CCDC7: variants seen among roughly 807,000 people sequenced by gnomAD.
CCDC7 encodes coiled-coil domain-containing protein 7.
Under a neutral mutation model 196.9 loss-of-function variants are expected in CCDC7, and 183 were observed. The observed-to-expected ratio is 0.93, with a 90% CI of 0.82 to 1.05. CCDC7 has a LOEUF of 1.05. Among genes scored for constraint, CCDC7 ranks in the 50% least tolerant of loss-of-function variants. The probability of loss-of-function intolerance (pLI) is 0.00; values close to 1 mark genes in which losing one functional copy is unlikely to be tolerated. For missense variants in CCDC7, 1,540 were observed against 1,482.2 expected (o/e 1.04, Z -0.64); for synonymous variants, 525 against 484.6 (o/e 1.08, Z -1.10).
chr10:32,728,412 C>T (rs2083434722), intron 26 of CCDC7, among the ~76,000 whole-genome samples: 1 of 152,028 alleles, frequency 6.6e-6, no homozygotes, highest in Admixed American at 6.6e-5. Flanking sequence ...AACTCTCAGC[C>T]CCATCTCCAC....
intron 25 of CCDC7, among the ~76,000 whole-genome samples, chr10:32,723,043 A>C (rs1337010916): frequency 6.6e-6 from 1 of 151,762 alleles, no homozygotes; most frequent in African/African-American, 2.4e-5. Context: ...AGCAGAAGGA[A>C]TAGCGCTTTA....
At position 32,617,892 on chromosome 10, in the gene CCDC7, C is replaced by T. The variant is rs147237106; in HGVS notation, c.1802-16362C>T. Among the ~76,000 whole-genome samples the T allele has an allele frequency of 3.9e-5, 6 of 152,004 alleles. No homozygotes were observed. The East Asian group carries it at 1.2e-3, about 29-fold the overall frequency. ...ATGACTGTGATGTTGACGTCCTCCT[C>T]TATTATTGTATTGCTAGGTGTTTTG... On this transcript the variant is annotated intron_variant, in intron 18 of 41. Transcript: ENST00000639629.
At chr10:32,864,724 A>G (rs1045466574) in intron 41 of CCDC7, among the ~76,000 whole-genome samples, 2 of 151,950 alleles carry the variant, frequency 1.3e-5, no homozygotes, top group Non-Finnish European at 2.9e-5. Flanking sequence ...AATATGTTTA[A>G]CCGTAATGAT....
intron 28 of CCDC7, among the ~76,000 whole-genome samples, chr10:32,755,721 C>G (rs997152261): frequency 1.3e-5 from 2 of 152,060 alleles, no homozygotes; most frequent in African/African-American, 4.8e-5. Flanking sequence ...TGCAGATCCT[C>G]GCAAGCAGCA....
intron 41 of CCDC7, among the ~76,000 whole-genome samples, chr10:32,865,174 G>C (rs2094156631): frequency 6.6e-6 from 1 of 151,744 alleles, no homozygotes; most frequent in Admixed American, 6.6e-5. Flanking sequence ...TGGAGAAAAA[G>C]TGTTTATAAT....
intron 18 of CCDC7, among the ~76,000 whole-genome samples, chr10:32,604,802 A>G (rs2061405633): frequency 6.6e-6 from 1 of 151,966 alleles, no homozygotes; most frequent in Non-Finnish European, 1.5e-5. Flanking sequence ...GAATTCATTG[A>G]GCAGTTTTAC....
intron 8 of CCDC7, among the ~76,000 whole-genome samples, chr10:32,490,120 C>G (rs980603145): frequency 6.6e-6 from 1 of 152,240 alleles, no homozygotes; most frequent in African/African-American, 2.4e-5. Context: ...TTGCTGTCTC[C>G]AGCTGTCTCT....
rs555382759 is a variant in CCDC7, at chr10:32,464,417, T to C, written c.510+1368T>C. On this transcript the variant is annotated intron_variant, in intron 5 of 41. Transcript: ENST00000639629. ...TTCTTTTTTCCTGTTAAGACAGATATATTGTTCTTTCTTATACATATGACT... is the reference window on the plus strand; with the variant it reads ...TTCTTTTTTCCTGTTAAGACAGATACATTGTTCTTTCTTATACATATGACT... 9.8e-5 allele frequency among the ~76,000 whole-genome samples: 15 copies of C among 152,356 alleles called. 1 individual carries two copies. The highest frequency in any genetic ancestry group is 3.4e-3 in the Middle Eastern group (1 of 294).
intron 18 of CCDC7, among the ~76,000 whole-genome samples, chr10:32,619,905 T>C (rs967795639): frequency 6.0e-5 from 8 of 132,816 alleles, no homozygotes; most frequent in African/African-American, 1.9e-4. Context: ...AGCCCTTCAA[T>C]GTACCTTTTT....
At chr10:32,743,702 C>A (rs762905505) in intron 28 of CCDC7, among the ~76,000 whole-genome samples, 5 of 151,906 alleles carry the variant, frequency 3.3e-5, no homozygotes, top group Non-Finnish European at 5.9e-5. Context: ...ATGTTTATTG[C>A]GGCACTATTC....
Position 32,635,166 on chromosome 10 carries a change from G to GT in CCDC7, c.2014+9dup. 1 of 398,400 alleles carries GT rather than the reference G, an allele frequency of 2.5e-6. No individual in the cohort carries two copies. The highest frequency in any genetic ancestry group is 4.4e-6 in the Non-Finnish European group (1 of 225,754). 24.7% of individuals were successfully genotyped at this position (398,400 alleles called of 1,614,324 possible). ...GAAATGAGAGTTTTCATTGTAAGTA[G>GT]TAAGTTTAAAATGTTATAAAATTAT... is the stretch of plus-strand genomic sequence containing the variant. On this transcript the variant is annotated intron_variant, in intron 20 of 41. Transcript: ENST00000639629.
chr10:32,697,960 T>C (rs113206529), intron 24 of CCDC7, among the ~76,000 whole-genome samples: 8,073 of 152,196 alleles, frequency 0.053, 715 homozygotes, highest in African/African-American at 0.18. Context: ...GGCAGCCCCT[T>C]TGAGACAAAG....
At chr10:32,506,214 C>A (rs1026247133) in intron 9 of CCDC7, among the ~76,000 whole-genome samples, 2 of 143,268 alleles carry the variant, frequency 1.4e-5, no homozygotes, top group African/African-American at 2.6e-5. Flanking sequence ...CACTTCCTCC[C>A]AGACGGGGTG....
At chr10:32,489,610 G>A (rs1331173129) in intron 8 of CCDC7, among the ~76,000 whole-genome samples, 2 of 152,214 alleles carry the variant, frequency 1.3e-5, no homozygotes, top group African/African-American at 4.8e-5. Flanking sequence ...CACATGCAGA[G>A]CAACAGTGGT....
At chr10:32,478,262 A>G (rs1162028448) in intron 8 of CCDC7, among the ~76,000 whole-genome samples, 1 of 152,204 alleles carries the variant, frequency 6.6e-6, no homozygotes, top group East Asian at 1.9e-4. Context: ...AGACAGTCAC[A>G]TTATCTAACA....
chr10:32,485,363 C>T (rs1250148825), intron 8 of CCDC7, among the ~76,000 whole-genome samples: 19 of 152,052 alleles, frequency 1.2e-4, no homozygotes, highest in South Asian at 2.1e-4. Context: ...TTTTTTATTG[C>T]GTCTATTTGA....
At chr10:32,673,124 C>G (rs544041564) in intron 21 of CCDC7, among the ~76,000 whole-genome samples, 1 of 152,244 alleles carries the variant, frequency 6.6e-6, no homozygotes, top group East Asian at 1.9e-4. Flanking sequence ...GGGATTAATT[C>G]TGGACTCCCT....
intron 16 of CCDC7, among the ~76,000 whole-genome samples, chr10:32,575,398 C>T (rs2058078444): frequency 1.3e-5 from 2 of 152,268 alleles, no homozygotes; most frequent in African/African-American, 4.8e-5. Context: ...TAGAGGAAAC[C>T]TTGCAATCCA....
intron 20 of CCDC7, among the ~76,000 whole-genome samples, chr10:32,640,876 C>CTTTTTTTTTTT (rs1193198487): frequency 2.3e-5 from 2 of 87,104 alleles, no homozygotes; most frequent in African/African-American, 7.8e-5. Flanking sequence ...TTTTTTTTTT[C>CTTTTTTTTTTT]TTTTTTTTTT....
Sources: gnomAD v4.1 joint callset for allele counts (sites outside exome capture counted in the v4.1 genomes callset) on GRCh38, gnomAD v4.1.1 for gene constraint, MANE v1.5 for transcripts, NCBI Gene and HGNC (gene_info 2026-07-23, HGNC 2026-07-21) for gene names.